SLC13A3: variants seen among roughly 807,000 people sequenced by gnomAD.
SLC13A3 encodes the protein solute carrier family 13 member 3, also known as Na(+)/dicarboxylate cotransporter 3.
A neutral mutation model predicts 59.0 loss-of-function variants in SLC13A3; 40 were observed. That is an observed-to-expected ratio of 0.68 (90% CI 0.53 to 0.88). SLC13A3 has a LOEUF of 0.88. SLC13A3 is among the 40% of genes least tolerant of loss of function. The pLI is 0.00. For synonymous variants in SLC13A3, 317 were observed against 330.3 expected, an observed-to-expected ratio of 0.96 and a Z score of 0.44; for missense variants, 699 against 783.2, an observed-to-expected ratio of 0.89 and a Z score of 1.28.
intron 2 of SLC13A3, among the ~76,000 whole-genome samples, chr20:46,610,835 T>A (rs537802886): frequency 5.3e-5 from 8 of 152,224 alleles, no homozygotes; most frequent in Non-Finnish European, 8.8e-5. Flanking sequence ...TATAAAGACA[T>A]CCCAAGCCTG....
intron 8 of SLC13A3, chr20:46,584,381 A>T (rs2062171290): frequency 1.0e-6 from 1 of 985,284 alleles, no homozygotes; most frequent in Non-Finnish European, 1.2e-6. Flanking sequence ...GACACAATTC[A>T]ATAAGGAATT....
At chr20:46,572,156 C>T (rs932571134) in intron 10 of SLC13A3, among the ~76,000 whole-genome samples, 3 of 152,090 alleles carry the variant, frequency 2.0e-5, no homozygotes, top group Non-Finnish European at 4.4e-5. Context: ...TCAGAATGAG[C>T]GCTGGGAGCC....
At chr20:46,587,886 C>G (rs1600523532) in intron 8 of SLC13A3, among the ~76,000 whole-genome samples, 173 bp downstream of exon 8, 1 of 152,314 alleles carries the variant, frequency 6.6e-6, no homozygotes, top group East Asian at 1.9e-4. Flanking sequence ...TTTTATCACC[C>G]AAACCTAAAC....
At chr20:46,583,277 C>G (rs2062157129) in intron 9 of SLC13A3, 1 of 732,446 alleles carries the variant, frequency 1.4e-6, no homozygotes, top group African/African-American at 1.9e-5. Context: ...AAATGTTTTT[C>G]TTTTGGTTTT....
rs116503945 is a variant in SLC13A3, at chr20:46,576,471, G to A, written c.1220-786C>T. ...CTCCCTGAGCCCCATTTCCTCAGCC[G>A]GCACATGGCACAGTTACAGAACCGG... On this transcript the variant is annotated intron_variant, in intron 9 of 12. Coordinates refer to ENST00000279027, the MANE Select transcript of SLC13A3 (RefSeq NM_022829.6). Among the ~76,000 whole-genome samples the A allele has an allele frequency of 3.6e-3, 545 of 152,186 alleles. 4 individuals carry two copies. Among genetic ancestry groups the A allele is most frequent in the African/African-American group, 0.012 (502 of 41,516 alleles).
intron 8 of SLC13A3, chr20:46,584,974 A>T (rs1348411607): frequency 1.4e-5 from 3 of 212,430 alleles, no homozygotes; most frequent in African/African-American, 7.1e-5. Context: ...GTATTGACAT[A>T]GAAACACAAC....
chr20:46,566,711 G>T (rs1208926428), intron 10 of SLC13A3, among the ~76,000 whole-genome samples: 1 of 151,884 alleles, frequency 6.6e-6, no homozygotes, highest in Non-Finnish European at 1.5e-5. Context: ...AATCAAACCA[G>T]ACCCTCAGTA....
intron 10 of SLC13A3, among the ~76,000 whole-genome samples, chr20:46,568,008 G>A (rs770124249): frequency 1.3e-5 from 2 of 152,100 alleles, no homozygotes; most frequent in Non-Finnish European, 2.9e-5. Context: ...TATCAATCCA[G>A]TATACCAAAG....
intron 3 of SLC13A3, among the ~76,000 whole-genome samples, chr20:46,604,621 C>G (rs1219359074): frequency 6.6e-6 from 1 of 152,130 alleles, no homozygotes; most frequent in African/African-American, 2.4e-5. Flanking sequence ...CATGAGGGAA[C>G]AGGATTCCAT....
At chr20:46,607,385 CT>C (rs1236477133) in intron 3 of SLC13A3, among the ~76,000 whole-genome samples, 1 of 152,168 alleles carries the variant, frequency 6.6e-6, no homozygotes, top group East Asian at 1.9e-4. Flanking sequence ...CCCTCCACCC[CT>C]GTCCTCGCCT....
intron 2 of SLC13A3, among the ~76,000 whole-genome samples, chr20:46,611,484 C>A (rs1465143087): frequency 3.3e-5 from 5 of 152,138 alleles, no homozygotes; most frequent in Non-Finnish European, 7.3e-5. Flanking sequence ...TGGAGTCTGT[C>A]CCACAGGACT....
At chr20:46,671,248 C>T (rs1051948306), upstream of SLC13A3, among the ~76,000 whole-genome samples, 1 of 152,184 alleles carries the variant, frequency 6.6e-6, no homozygotes, top group Admixed American at 6.5e-5. Context: ...TTCCCAGCCT[C>T]CTCACCCCAA....
upstream of SLC13A3, among the ~76,000 whole-genome samples, chr20:46,656,107 AT>A (rs1482117930): frequency 7.0e-6 from 1 of 143,796 alleles, no homozygotes; most frequent in African/African-American, 2.5e-5. Context: ...TACAGTCTAT[AT>A]TATACTGTAT....
chr20:46,682,894 T>C (rs2063160158), intron 1 of SLC13A3, among the ~76,000 whole-genome samples: 1 of 152,158 alleles, frequency 6.6e-6, no homozygotes, highest in South Asian at 2.1e-4. Context: ...TCAAGGGATC[T>C]GAAAGTGCAG....
At chr20:46,673,206 C>T (rs761775843), upstream of SLC13A3, among the ~76,000 whole-genome samples, 7 of 152,144 alleles carry the variant, frequency 4.6e-5, no homozygotes, top group Non-Finnish European at 1.0e-4. Context: ...CCCATTTATT[C>T]GTTTAGCACA....
intron 2 of SLC13A3, among the ~76,000 whole-genome samples, chr20:46,612,747 T>C (rs1309449857): frequency 6.6e-6 from 1 of 152,072 alleles, no homozygotes; most frequent in Non-Finnish European, 1.5e-5. Flanking sequence ...GAACAAAAAA[T>C]AAGATGAAAA....
At chr20:46,629,797 T>C (rs1342735665) in intron 1 of SLC13A3, among the ~76,000 whole-genome samples, 1 of 152,256 alleles carries the variant, frequency 6.6e-6, no homozygotes, top group African/African-American at 2.4e-5. Flanking sequence ...TGAGATTTGT[T>C]GTAGGCAGGC....
chr20:46,583,461 G>T, intron 9 of SLC13A3, 111 bp downstream of exon 9: 1 of 1,503,292 alleles, frequency 6.7e-7, no homozygotes, highest in Non-Finnish European at 8.8e-7. Context: ...GAAAGGAGAA[G>T]CAGGAAGGAC....
At chr20:46,643,054 G>C (rs1194316486) in intron 1 of SLC13A3, among the ~76,000 whole-genome samples, 1 of 152,078 alleles carries the variant, frequency 6.6e-6, no homozygotes, top group African/African-American at 2.4e-5. Flanking sequence ...CACACAACTG[G>C]CATTCTTTCT....
Sources: allele counts gnomAD v4.1 joint callset (sites outside exome capture counted in the v4.1 genomes callset), GRCh38; gene constraint gnomAD v4.1.1; transcripts MANE v1.5; gene names NCBI Gene and HGNC (gene_info 2026-07-23, HGNC 2026-07-21).